The following ATP11A variants were observed in gnomAD, a reference collection of about 807,000 sequenced individuals.
The protein encoded by ATP11A is ATPase phospholipid transporting 11A.
In ATP11A, 81 loss-of-function variants were observed where a neutral mutation model predicts 154.4. The ratio of observed to expected loss-of-function variants is 0.52; its 90% CI spans 0.44 to 0.63. The LOEUF (loss-of-function observed/expected upper bound fraction) is 0.63. ATP11A is among the 30% of genes least tolerant of loss of function. The pLI, the probability that ATP11A is intolerant of heterozygous loss-of-function variation, is 0.00. For missense variants in ATP11A, 1,316 were observed against 1,474.3 expected, an observed-to-expected ratio of 0.89 and a Z score of 1.76; for synonymous variants, 623 against 585.9, an observed-to-expected ratio of 1.06 and a Z score of -0.91.
intron 1 of ATP11A, among the ~76,000 whole-genome samples, chr13:112,711,066 T>C (rs1483365720): frequency 7.0e-6 from 1 of 143,018 alleles, no homozygotes; most frequent in Non-Finnish European, 1.5e-5. Flanking sequence ...GTTGGAGGGC[T>C]GGCATGTTCG....
rs764612141 is a variant in ATP11A at position 112,881,786 on chromosome 13, G to A, written c.*10-90G>A. On this transcript the variant is annotated intron_variant, in intron 29 of 29. Transcript: ENST00000375645. ...CAGGCAGCCCCGTGGGTATCCCTGA[G>A]ACTGACCATGTGTCTCGTTCTCTCA... 7.3e-6 allele frequency: 10 copies of A among 1,363,698 alleles called. No homozygotes were observed. In the South Asian group the frequency reaches 9.1e-5, roughly 12 times the overall value. The allele number at this position is 1,363,698 out of a possible 1,614,324, so 84.5% of individuals were successfully genotyped here.
chr13:112,707,718 AAAAC>A (rs994322095), intron 1 of ATP11A, among the ~76,000 whole-genome samples: 1 of 152,194 alleles, frequency 6.6e-6, no homozygotes, highest in African/African-American at 2.4e-5. Flanking sequence ...CTACACAACA[AAAAC>A]AAACCATTTC....
intron 1 of ATP11A, among the ~76,000 whole-genome samples, chr13:112,721,952 A>G (rs998778332): frequency 6.6e-6 from 1 of 152,198 alleles, no homozygotes; most frequent in Non-Finnish European, 1.5e-5. Context: ...AGGCCGGCAC[A>G]CTGCCCACCA....
At chr13:112,808,484 G>T (rs1204658307) in intron 4 of ATP11A, among the ~76,000 whole-genome samples, 1 of 67,530 alleles carries the variant, frequency 1.5e-5, no homozygotes, top group African/African-American at 5.7e-5. Flanking sequence ...CCACCCCCTC[G>T]ACCTTCCCCC....
chr13:112,711,742 T>C (rs1887776977), intron 1 of ATP11A, among the ~76,000 whole-genome samples: 2 of 152,206 alleles, frequency 1.3e-5, no homozygotes, highest in Non-Finnish European at 2.9e-5. Flanking sequence ...AATTCCAGGC[T>C]TGAATTGCTA....
intron 29 of ATP11A, 56 bp from the exon 30 acceptor site, chr13:112,881,820 G>A: frequency 7.3e-7 from 1 of 1,367,480 alleles, no homozygotes; most frequent in Non-Finnish European, 9.8e-7. Context: ...CAGCAGAATG[G>A]GTGCGCACAG....
In ATP11A at chr13:112,847,990, A is replaced by G. The variant is rs536893282; in HGVS notation, c.1810-3047A>G. On this transcript the variant is annotated intron_variant, in intron 17 of 29. Transcript: ENST00000375645. ...TCTGTGGTCCTAGCTACTAGGCAGGATGAGATGGAAGGGTCGCTTGAGCAC... is the reference window on the plus strand; with the variant it reads ...TCTGTGGTCCTAGCTACTAGGCAGGGTGAGATGGAAGGGTCGCTTGAGCAC... Among the ~76,000 whole-genome samples the G allele has an allele frequency of 7.9e-5, 12 of 152,298 alleles. No individual in the cohort carries two copies. The South Asian group carries it at 2.5e-3, about 32-fold the overall frequency.
rs944177040 is a variant in ATP11A at position 112,851,121 on chromosome 13, A to G, written c.1894A>G (p.Lys632Glu). 1 of 1,614,264 alleles carries G rather than the reference A, an allele frequency of 6.2e-7. No individual in the cohort carries two copies. Among genetic ancestry groups the G allele is most frequent in the Non-Finnish European group, 8.5e-7 (1 of 1,180,040 alleles). The change falls in exon 18 of 30, where the codon AAA becomes GAA. Residue 632 changes from lysine to glutamate, a missense_variant. Physicochemically the swap from Lys to Glu is moderately conservative, Grantham distance 56. Around this residue, in one of 5 missense-constraint regions of ATP11A, gnomAD observed 876 missense variants for 1,006.8 expected, o/e 0.87. Coordinates refer to ENST00000375645, the MANE Select transcript of ATP11A (RefSeq NM_015205.3). ...EGICKLLQAAKVALQDREKKL... is the reference protein window; with the variant it reads ...EGICKLLQAAEVALQDREKKL... ...CATTTGTAAGCTGCTGCAGGCTGCC[A>G]AAGTGGCCCTTCAAGATCGAGAGAA...
chr13:112,742,090 G>T (rs947419749), intron 1 of ATP11A, among the ~76,000 whole-genome samples: 7 of 152,222 alleles, frequency 4.6e-5, no homozygotes, highest in South Asian at 4.2e-4. Context: ...TCCTAAGTAT[G>T]GGTGGTGCGG....
At chr13:112,878,337 G>T (rs760433701) in intron 29 of ATP11A, 34 bp downstream of exon 29, 2 of 1,605,614 alleles carry the variant, frequency 1.2e-6, no homozygotes, top group African/African-American at 2.7e-5. Context: ...CACCTGGGAT[G>T]GTAGACACGG....
At chr13:112,720,797 C>T (rs890188007) in intron 1 of ATP11A, among the ~76,000 whole-genome samples, 19 of 152,090 alleles carry the variant, frequency 1.2e-4, no homozygotes, top group Non-Finnish European at 2.4e-4. Context: ...ACCTTGTGAT[C>T]CACCTGCCTT....
chr13:112,778,919 C>T (rs1431199771), intron 1 of ATP11A, among the ~76,000 whole-genome samples: 7 of 115,488 alleles, frequency 6.1e-5, no homozygotes, highest in East Asian at 2.7e-4. Flanking sequence ...AGTGAGTAGC[C>T]GCTGGAGTGA....
rs1594254239 is a variant in ATP11A, at chr13:112,875,937, T to G, written c.3323T>G (p.Val1108Gly). 1 of 1,610,224 alleles carries G rather than the reference T, an allele frequency of 6.2e-7. No homozygotes were observed. Among genetic ancestry groups the G allele is most frequent in the Non-Finnish European group, 8.5e-7 (1 of 1,179,808 alleles). The change falls in exon 28 of 30, where the codon GTC becomes GGC. Residue 1108 changes from valine (V) to glycine (G), a missense_variant. Val to Gly is a moderately radical substitution (Grantham distance 109). This residue lies in a region of ATP11A where 294 missense variants were observed against 290.2 expected (regional missense o/e 1.01). Coordinates refer to ENST00000375645, the MANE Select transcript of ATP11A (RefSeq NM_015205.3). This position sits in a 1 kb window ranked among gnomAD's most constrained non-coding sequence, Gnocchi z 4.1. ...CTGTGGCCAACAGCAACAGAGAGAG[T>G]CCAGGTACGGAGTGTCCCCAGCCGG... ...RQLWPTATER[V>G]QTKSQCLSVE...
At position 112,882,871 on chromosome 13, in the gene ATP11A, G is replaced by A. The variant is rs188901208; in HGVS notation, c.*1005G>A. On this transcript the variant is annotated 3_prime_UTR_variant, in exon 30 of 30. Coordinates refer to ENST00000375645, the MANE Select transcript of ATP11A (RefSeq NM_015205.3). This position sits in a 1 kb window ranked among gnomAD's most constrained non-coding sequence, Gnocchi z 5.1. The stretch of plus-strand genomic sequence containing the variant: ...GTGGAGGGGTCAACACCAAGGTGGT[G>A]TTCGTGCACCAGAACCTGTCTCGGG... The A allele has an allele frequency of 7.7e-4, 307 of 398,894 alleles. No individual in the cohort carries two copies. The highest frequency in any genetic ancestry group is 1.8e-3 in the Admixed American group (40 of 22,742). The allele number at this position is 398,894 out of a possible 1,614,324, so 24.7% of individuals were successfully genotyped here.
chr13:112,740,526 G>T (rs185930031), intron 1 of ATP11A, among the ~76,000 whole-genome samples: 1 of 152,126 alleles, frequency 6.6e-6, no homozygotes, highest in Non-Finnish European at 1.5e-5. Flanking sequence ...ACAAAGCCAG[G>T]GTAGGAACGT....
At chr13:112,725,987 C>T (rs1284860051) in intron 1 of ATP11A, among the ~76,000 whole-genome samples, 1 of 152,260 alleles carries the variant, frequency 6.6e-6, no homozygotes, top group Non-Finnish European at 1.5e-5. Flanking sequence ...GCTCACCGCA[C>T]CTCTGTGCCA....
Position 112,858,227 on chromosome 13 carries a change from G to C in ATP11A, c.2604G>C (p.Leu868=), listed in dbSNP as rs746221727. Residue 868 remains leucine, a synonymous_variant, in exon 22 of 30, where the codon CTG becomes CTC. Coordinates refer to ENST00000375645, the MANE Select transcript of ATP11A (RefSeq NM_015205.3). ...IPKFKHLKKM[L]LVHGHFYYIR... ...AGTTTAAGCATTTGAAGAAGATGCTGCTTGTTCACGGGCATTTTTATTACA... is the reference window on the plus strand; with the variant it reads ...AGTTTAAGCATTTGAAGAAGATGCTCCTTGTTCACGGGCATTTTTATTACA... 2.5e-6 allele frequency: 4 copies of C among 1,614,136 alleles called. No homozygotes were observed. The highest frequency in any genetic ancestry group is 3.4e-6 in the Non-Finnish European group (4 of 1,180,026).
At chr13:112,876,202 CA>C (rs2080719758) in intron 28 of ATP11A, 2 of 312,118 alleles carry the variant, frequency 6.4e-6, no homozygotes, top group Non-Finnish European at 1.2e-5. Context: ...ATGCAAAAGG[CA>C]AATTATTTCA....
At chr13:112,717,567 C>G (rs1006232242) in intron 1 of ATP11A, 2 of 152,318 alleles carry the variant, frequency 1.3e-5, no homozygotes, top group African/African-American at 4.8e-5. Flanking sequence ...TCACATTGTA[C>G]ATTACAAACA....
Sources: allele counts gnomAD v4.1 joint callset (sites outside exome capture counted in the v4.1 genomes callset), GRCh38; gene constraint gnomAD v4.1.1; regional missense constraint gnomAD v4.1.1; non-coding constraint Gnocchi (gnomAD v3.1); transcripts MANE v1.5; gene names NCBI Gene and HGNC (gene_info 2026-07-23, HGNC 2026-07-21).